The following TLE4 variants were observed in gnomAD, a reference collection of about 807,000 sequenced individuals.
The protein encoded by TLE4 is TLE family member 4, transcriptional corepressor.
Under a neutral mutation model 92.8 loss-of-function variants are expected in TLE4, and 8 were observed. The observed-to-expected ratio is 0.09, with a 90% CI of 0.05 to 0.16. TLE4 has a LOEUF of 0.16. TLE4 is among the 10% of genes least tolerant of loss of function. The pLI is 1.00. For synonymous variants in TLE4, 371 were observed against 374.1 expected (o/e 0.99, Z 0.10); for missense variants, 675 against 997.6 (o/e 0.68, Z 4.36).
At chr9:79,594,138 A>G (rs1263675228) in intron 4 of TLE4, among the ~76,000 whole-genome samples, 1 of 152,204 alleles carries the variant, frequency 6.6e-6, no homozygotes, top group Admixed American at 6.5e-5. Context: ...AAGGTTGAGG[A>G]CCAGCGAACT....
Position 79,706,854 on chromosome 9 carries a change from A to G in TLE4, c.891A>G (p.Ala297=), listed in dbSNP as rs1437558105. The G allele has an allele frequency of 1.3e-5, 21 of 1,614,084 alleles. No homozygotes were observed. The highest frequency in any genetic ancestry group is 1.8e-5 in the Non-Finnish European group (21 of 1,180,056). The change falls in exon 11 of 20, where the codon GCA becomes GCG. Residue 297 remains alanine, a synonymous_variant. Coordinates refer to ENST00000376552, the MANE Select transcript of TLE4 (RefSeq NM_007005.6). ...KDAPISPASI[A]SSSSTPSSKS... is the part of the protein sequence containing the mutation. ...CCCCGATTAGTCCAGCCTCTATTGC[A>G]TCTTCCAGCAGTACTCCCTCCTCCA...
chr9:79,710,460 A>G (rs2072983095), intron 14 of TLE4, among the ~76,000 whole-genome samples: 3 of 151,872 alleles, frequency 2.0e-5, no homozygotes, highest in African/African-American at 2.4e-5. Context: ...GTGTGTGTGC[A>G]TTTTTCTCAT....
intron 4 of TLE4, among the ~76,000 whole-genome samples, chr9:79,602,037 TC>T (rs1564294325): frequency 6.6e-6 from 1 of 152,178 alleles, no homozygotes; most frequent in East Asian, 1.9e-4. Context: ...GCCATAATAT[TC>T]CCTTAAGCCA....
chr9:79,612,738 G>A lies in TLE4; in HGVS notation c.315+20G>A, dbSNP rs1209972305. On this transcript the variant is annotated intron_variant, in intron 5 of 19. Coordinates refer to ENST00000376552, the MANE Select transcript of TLE4 (RefSeq NM_007005.6). ...CAAGAGGTAAGGTAGTTGATTTTAG[G>A]CACTGGACTAGAAGTTGCCATTTTA... is the stretch of plus-strand genomic sequence containing the variant. 6.2e-7 allele frequency: 1 copy of A among 1,610,908 alleles called. No homozygotes were observed. The highest frequency in any genetic ancestry group is 8.5e-7 in the Non-Finnish European group (1 of 1,177,572).
intron 16 of TLE4, 123 bp from the exon 17 acceptor site, chr9:79,721,608 TAGAAACCATA>T: frequency 1.5e-6 from 2 of 1,360,116 alleles, no homozygotes; most frequent in South Asian, 2.7e-5. Context: ...TTTGAATAAT[TAGAAACCATA>T]ATAAACCAAA....
intron 15 of TLE4, 99 bp from the exon 16 acceptor site, chr9:79,719,947 A>G: frequency 6.8e-7 from 1 of 1,466,702 alleles, no homozygotes; most frequent in Non-Finnish European, 9.2e-7. Flanking sequence ...GGCTCATTAA[A>G]CCAGGAGGGA....
At chr9:79,679,219 C>T (rs999405506) in intron 8 of TLE4, among the ~76,000 whole-genome samples, 5 of 152,074 alleles carry the variant, frequency 3.3e-5, no homozygotes, top group Non-Finnish European at 4.4e-5. Context: ...AATGGTTGAA[C>T]TAGTTTACAG....
intron 4 of TLE4, among the ~76,000 whole-genome samples, chr9:79,591,386 TC>T (rs2042497025): frequency 6.6e-6 from 1 of 152,208 alleles, no homozygotes; most frequent in African/African-American, 2.4e-5. Context: ...GTTTAGTGTT[TC>T]CAGCTTTATT....
At chr9:79,723,907 T>C (rs1015698022) in intron 19 of TLE4, among the ~76,000 whole-genome samples, 5 of 152,218 alleles carry the variant, frequency 3.3e-5, no homozygotes, top group Non-Finnish European at 7.3e-5. Context: ...AAAAGAGTAG[T>C]ACATTTTTTA....
intron 4 of TLE4, among the ~76,000 whole-genome samples, chr9:79,579,155 T>A: frequency 6.6e-6 from 1 of 152,222 alleles, no homozygotes; most frequent in Non-Finnish European, 1.5e-5. Flanking sequence ...TGGTTTTTGT[T>A]TTTTGTTTTG....
chr9:79,635,921 A>G (rs1198997820), intron 6 of TLE4, among the ~76,000 whole-genome samples: 1 of 152,168 alleles, frequency 6.6e-6, no homozygotes, highest in Non-Finnish European at 1.5e-5. Context: ...TAAGCTCAGT[A>G]TAAACACTTT....
chr9:79,685,219 A>T (rs1421653682), intron 8 of TLE4, among the ~76,000 whole-genome samples: 1 of 152,198 alleles, frequency 6.6e-6, no homozygotes, highest in African/African-American at 2.4e-5. Flanking sequence ...CCATATAAGA[A>T]GCATTGTTAC....
intron 6 of TLE4, among the ~76,000 whole-genome samples, chr9:79,642,293 G>A (rs986199884): frequency 6.6e-6 from 1 of 151,920 alleles, no homozygotes. Flanking sequence ...TGCCCAGATT[G>A]GAATATAGTG....
intron 8 of TLE4, among the ~76,000 whole-genome samples, chr9:79,677,853 TG>T (rs764489309): frequency 6.6e-6 from 1 of 152,028 alleles, no homozygotes; most frequent in African/African-American, 2.4e-5. Flanking sequence ...AAGTGGGTGG[TG>T]TAAGAGATTC....
chr9:79,651,290 A>G (rs1186041758), intron 6 of TLE4, among the ~76,000 whole-genome samples: 1 of 152,154 alleles, frequency 6.6e-6, no homozygotes, highest in Non-Finnish European at 1.5e-5. Context: ...ATTGAGTAAT[A>G]CATTTAATGT....
At chr9:79,590,915 T>C (rs982149799) in intron 4 of TLE4, among the ~76,000 whole-genome samples, 1 of 152,212 alleles carries the variant, frequency 6.6e-6, no homozygotes, top group East Asian at 1.9e-4. Context: ...TACTTAAACA[T>C]GAAAAAAGTA....
At chr9:79,714,235 T>C (rs186134134) in intron 14 of TLE4, among the ~76,000 whole-genome samples, 1 of 152,310 alleles carries the variant, frequency 6.6e-6, no homozygotes, top group Non-Finnish European at 1.5e-5. Context: ...CTTTGCCCAG[T>C]AATGGCACAC....
chr9:79,693,942 C>T (rs1295680470), intron 8 of TLE4, among the ~76,000 whole-genome samples: 1 of 152,140 alleles, frequency 6.6e-6, no homozygotes, highest in Non-Finnish European at 1.5e-5. Flanking sequence ...CAGTTGGCTC[C>T]ATTCATTTCT....
Position 79,708,753 on chromosome 9 carries a change from C to CGCT in TLE4, c.1242_1244dup (p.Ala415dup), listed in dbSNP as rs770065827. 17 of 1,608,196 alleles carry CGCT rather than the reference C, an allele frequency of 1.1e-5. No individual in the cohort carries two copies. Among genetic ancestry groups the CGCT allele is most frequent in the South Asian group, 4.4e-5 (4 of 91,044 alleles). ...AGATGAGCGCAGCTGCTGCCGCCGC[C>CGCT]GCTGCTGCTGCTGCCTATGGGAGAT... On this transcript the variant is annotated inframe_insertion, in exon 13 of 20. Transcript: ENST00000376552.
Sources: allele counts gnomAD v4.1 joint callset (sites outside exome capture counted in the v4.1 genomes callset), GRCh38; gene constraint gnomAD v4.1.1; transcripts MANE v1.5; gene names NCBI Gene and HGNC (gene_info 2026-07-23, HGNC 2026-07-21).